Variants in ZNF385D observed in about 807,000 individuals in gnomAD.
The protein encoded by ZNF385D is zinc finger protein 659.
In ZNF385D, 15 loss-of-function variants were observed where a neutral mutation model predicts 35.8. The ratio of observed to expected loss-of-function variants is 0.42; its 90% CI spans 0.28 to 0.64. The LOEUF (loss-of-function observed/expected upper bound fraction) is 0.64, where lower values mean the gene tolerates loss of function less well. Among genes scored for constraint, ZNF385D ranks in the 30% least tolerant of loss-of-function variants. The pLI is 0.23. For synonymous variants in ZNF385D, 212 were observed against 186.8 expected (o/e 1.13, Z -1.10); for missense variants, 474 against 494.6 (o/e 0.96, Z 0.39).
At chr3:21,906,183 C>T (rs1164619476) in intron 3 of ZNF385D, among the ~76,000 whole-genome samples, 1 of 152,194 alleles carries the variant, frequency 6.6e-6, no homozygotes, top group African/African-American at 2.4e-5. Flanking sequence ...GTTCATCCTT[C>T]TTCAAAGTAC....
At chr3:21,460,016 T>C (rs145604764) in intron 4 of ZNF385D, among the ~76,000 whole-genome samples, 322 of 152,262 alleles carry the variant, frequency 2.1e-3, no homozygotes, top group African/African-American at 7.5e-3. Flanking sequence ...TGGCTGCTGC[T>C]AAATCACCTG....
intron 3 of ZNF385D, among the ~76,000 whole-genome samples, chr3:21,965,544 A>G (rs1702865607): frequency 2.0e-5 from 3 of 152,316 alleles, no homozygotes; most frequent in African/African-American, 7.2e-5. Context: ...AAGAAAGATA[A>G]AGAAAGGTTG....
intron 3 of ZNF385D, among the ~76,000 whole-genome samples, chr3:21,771,431 A>G (rs1007376891): frequency 2.0e-5 from 3 of 151,916 alleles, no homozygotes; most frequent in African/African-American, 7.2e-5. Context: ...GTTTTTAGCA[A>G]GAAAATAAAA....
chr3:22,136,081 A>C (rs901667487), intron 3 of ZNF385D, among the ~76,000 whole-genome samples: 1 of 152,264 alleles, frequency 6.6e-6, no homozygotes, highest in African/African-American at 2.4e-5. Context: ...ACATGACAAC[A>C]AAAGGATAAT....
At chr3:21,859,172 G>A (rs1340773739) in intron 3 of ZNF385D, among the ~76,000 whole-genome samples, 2 of 152,038 alleles carry the variant, frequency 1.3e-5, no homozygotes. Context: ...ACAGGTAAGA[G>A]ATGAAAACCA....
At chr3:22,305,582 C>A (rs1015166050) in intron 2 of ZNF385D, among the ~76,000 whole-genome samples, 2 of 152,068 alleles carry the variant, frequency 1.3e-5, no homozygotes, top group Non-Finnish European at 2.9e-5. Context: ...TTTGCCATAG[C>A]ACAGGAAAAA....
chr3:22,246,939 T>C (rs1427624775), intron 2 of ZNF385D, among the ~76,000 whole-genome samples: 1 of 152,058 alleles, frequency 6.6e-6, no homozygotes, highest in Admixed American at 6.6e-5. Context: ...CTTTTGTCAA[T>C]CATACATACG....
intron 2 of ZNF385D, among the ~76,000 whole-genome samples, chr3:21,596,951 A>G (rs956570359): frequency 6.6e-6 from 1 of 152,108 alleles, no homozygotes; most frequent in African/African-American, 2.4e-5. Context: ...GAAAACAACT[A>G]ATTCAGCCTA....
intron 3 of ZNF385D, among the ~76,000 whole-genome samples, chr3:22,166,946 T>A (rs555870787): frequency 6.6e-6 from 1 of 152,220 alleles, no homozygotes; most frequent in Non-Finnish European, 1.5e-5. Context: ...TGGTTTCACC[T>A]AGAAGTTAAC....
intron 3 of ZNF385D, among the ~76,000 whole-genome samples, chr3:22,062,636 G>A (rs1023100521): frequency 2.6e-5 from 4 of 152,142 alleles, no homozygotes; most frequent in Non-Finnish European, 5.9e-5. Flanking sequence ...CCCCAAAGAT[G>A]CACTCTATCT....
chr3:21,770,584 AAAC>A (rs1398050622), intron 3 of ZNF385D, among the ~76,000 whole-genome samples: 1 of 152,178 alleles, frequency 6.6e-6, no homozygotes, highest in East Asian at 1.9e-4. Flanking sequence ...AAAAGTGAGG[AAAC>A]AACAGGTGCT....
chr3:21,901,790 T>C (rs1239028189), intron 3 of ZNF385D, among the ~76,000 whole-genome samples: 1 of 152,166 alleles, frequency 6.6e-6, no homozygotes, highest in Non-Finnish European at 1.5e-5. Flanking sequence ...GATAAGTTGG[T>C]ACAGGAAGAC....
At chr3:22,255,182 G>GA (rs1005713107) in intron 2 of ZNF385D, among the ~76,000 whole-genome samples, 8 of 145,008 alleles carry the variant, frequency 5.5e-5, no homozygotes, top group Middle Eastern at 3.6e-3. Flanking sequence ...ATGCTCATAA[G>GA]AAAAAAAAAG....
intron 3 of ZNF385D, among the ~76,000 whole-genome samples, chr3:22,078,501 G>C (rs1254518773): frequency 6.6e-6 from 1 of 152,044 alleles, no homozygotes; most frequent in East Asian, 1.9e-4. Flanking sequence ...GAGACATTAA[G>C]TCTCAAAGTT....
chr3:22,080,400 T>G (rs1700687046), intron 3 of ZNF385D, among the ~76,000 whole-genome samples: 1 of 152,208 alleles, frequency 6.6e-6, no homozygotes, highest in African/African-American at 2.4e-5. Context: ...GAGAAAGCAA[T>G]GTTCATGATC....
At chr3:22,093,430 TA>T (rs1344562981) in intron 3 of ZNF385D, among the ~76,000 whole-genome samples, 53 of 151,930 alleles carry the variant, frequency 3.5e-4, no homozygotes, top group Non-Finnish European at 5.6e-4. Flanking sequence ...TTACTTAATT[TA>T]AAAAAGTTAA....
intron 3 of ZNF385D, among the ~76,000 whole-genome samples, chr3:21,873,081 G>A (rs187674136): frequency 8.1e-4 from 123 of 152,050 alleles, no homozygotes; most frequent in Non-Finnish European, 1.2e-4. Context: ...TATCTTTATT[G>A]GTACAAGTGG....
chr3:22,336,965 T>C (rs915882393), intron 2 of ZNF385D, among the ~76,000 whole-genome samples: 1 of 131,240 alleles, frequency 7.6e-6, no homozygotes, highest in Non-Finnish European at 1.6e-5. Flanking sequence ...GAGAGAATAT[T>C]TTATGCTCCC....
chr3:22,154,441 G>A (rs769817741), intron 3 of ZNF385D, among the ~76,000 whole-genome samples: 45 of 152,106 alleles, frequency 3.0e-4, no homozygotes, highest in East Asian at 9.7e-4. Flanking sequence ...GCTTCACCAC[G>A]TAAGAAAACA....
Sources: gnomAD v4.1 joint callset for allele counts (sites outside exome capture counted in the v4.1 genomes callset) on GRCh38, gnomAD v4.1.1 for gene constraint, MANE v1.5 for transcripts, NCBI Gene and HGNC (gene_info 2026-07-23, HGNC 2026-07-21) for gene names.